Variants in NCR3LG1 observed in about 807,000 individuals in gnomAD.
NCR3LG1 encodes natural cytotoxicity triggering receptor 3 ligand 1.
In NCR3LG1, 35 loss-of-function variants were observed where a neutral mutation model predicts 34.8. The observed-to-expected ratio is 1.01, with a 90% CI of 0.77 to 1.33. The LOEUF is 1.33. Among genes scored for constraint, NCR3LG1 ranks in the 40% most tolerant of loss-of-function variants. The pLI is 0.00. For synonymous variants in NCR3LG1, 173 were observed against 163.6 expected, an observed-to-expected ratio of 1.06 and a Z score of -0.44; for missense variants, 452 against 423.3, an observed-to-expected ratio of 1.07 and a Z score of -0.60.
At chr11:17,355,590 C>T (rs939911335) in intron 1 of NCR3LG1, among the ~76,000 whole-genome samples, 2 of 152,062 alleles carry the variant, frequency 1.3e-5, no homozygotes, top group Non-Finnish European at 2.9e-5. Context: ...TTAGTCTTGC[C>T]AGGCTACCAT....
intron 2 of NCR3LG1, among the ~76,000 whole-genome samples, chr11:17,363,538 C>CCTTCCTTCCTT (rs1554898606): frequency 2.5e-4 from 14 of 56,608 alleles, no homozygotes; most frequent in African/African-American, 1.2e-3. Context: ...CTCCCTCCCT[C>CCTTCCTTCCTT]CCTCCCTTCC....
chr11:17,356,215 G>A (rs562910517), intron 1 of NCR3LG1, among the ~76,000 whole-genome samples: 55 of 143,698 alleles, frequency 3.8e-4, no homozygotes, highest in African/African-American at 1.4e-3. Flanking sequence ...TCAGCTCACT[G>A]CAACCCCTGC....
rs367641787 is a variant in NCR3LG1 at position 17,374,727 on chromosome 11, G to A, written c.*2215G>A. 6.6e-6 allele frequency: 1 copy of A among 152,214 alleles called. No individual in the cohort carries two copies. The highest frequency in any genetic ancestry group is 1.9e-4 in the East Asian group (1 of 5,176). The allele number at this position is 152,214 out of a possible 1,614,324, so 9.4% of individuals were successfully genotyped here. A position where few individuals can be genotyped will look rare whatever the true frequency, so the allele number is the denominator to read the frequency against. ...GGTTTTTGTAGGTTATAGATACCCA[G>A]GTATGATAAAATAGGTTGCCCTTTA... On this transcript the variant is annotated 3_prime_UTR_variant, in exon 5 of 5. Transcript: ENST00000338965.
chr11:17,378,118 G>A (rs1184804241), downstream of NCR3LG1, among the ~76,000 whole-genome samples: 2 of 152,234 alleles, frequency 1.3e-5, no homozygotes, highest in African/African-American at 2.4e-5. Context: ...AGCCATAGAA[G>A]CACAACAACA....
At chr11:17,353,112 T>C (rs867593315) in intron 1 of NCR3LG1, among the ~76,000 whole-genome samples, 5 of 152,154 alleles carry the variant, frequency 3.3e-5, no homozygotes, top group African/African-American at 7.2e-5. Context: ...CCTTGCTGCT[T>C]GCCGAGCAGC....
Position 17,351,987 on chromosome 11 carries a change from C to T in NCR3LG1, c.18C>T (p.Ala6=), listed in dbSNP as rs1477610112. The stretch of plus-strand genomic sequence containing the variant: ...CCGCGGCGATGACGTGGAGGGCTGC[C>T]GCCTCCACGTGCGCGGCGCTCCTGA... MTWRA[A]ASTCAALLIL... is the part of the protein sequence containing the mutation. Residue 6 remains alanine, a synonymous_variant, in exon 1 of 5, where the codon GCC becomes GCT. Coordinates refer to ENST00000338965, the MANE Select transcript of NCR3LG1 (RefSeq NM_001202439.3). 2 of 1,525,306 alleles carry T rather than the reference C, an allele frequency of 1.3e-6. No homozygotes were observed. 94.5% of individuals were successfully genotyped at this position (1,525,306 alleles called of 1,614,324 possible). A position where few individuals can be genotyped will look rare whatever the true frequency, so the allele number is the denominator to read the frequency against.
intron 2 of NCR3LG1, among the ~76,000 whole-genome samples, chr11:17,363,152 C>T (rs943297666): frequency 6.7e-6 from 1 of 150,354 alleles, no homozygotes; most frequent in African/African-American, 2.5e-5. Flanking sequence ...TGAACTCCCT[C>T]GGCTCAAGTG....
At chr11:17,380,699 A>G (rs1953509146), downstream of NCR3LG1, 1 of 152,118 alleles carries the variant, frequency 6.6e-6, no homozygotes, top group Non-Finnish European at 1.5e-5. Context: ...TGTATTGTCC[A>G]GGCTGGTCTC....
In NCR3LG1 at chr11:17,372,649, G is replaced by T. The variant is rs1178058825; in HGVS notation, c.*137G>T. The stretch of plus-strand genomic sequence containing the variant: ...AGGCTTTCCAAAACCTAACTCAGGT[G>T]TTTGACCTTACTTGGGGTGATGTTA... On this transcript the variant is annotated 3_prime_UTR_variant, in exon 5 of 5. Coordinates refer to ENST00000338965, the MANE Select transcript of NCR3LG1 (RefSeq NM_001202439.3). 1.7e-6 allele frequency: 1 copy of T among 588,074 alleles called. No homozygotes were observed. The highest frequency in any genetic ancestry group is 3.0e-6 in the Non-Finnish European group (1 of 330,774). 36.4% of individuals were successfully genotyped at this position (588,074 alleles called of 1,614,324 possible).
intron 2 of NCR3LG1, among the ~76,000 whole-genome samples, chr11:17,365,145 A>G (rs977239886): frequency 5.9e-5 from 9 of 152,186 alleles, no homozygotes; most frequent in African/African-American, 2.2e-4. Context: ...TAGTTGAAAG[A>G]GAGATATTAT....
At chr11:17,378,657 C>T (rs1207734177), downstream of NCR3LG1, among the ~76,000 whole-genome samples, 1 of 152,128 alleles carries the variant, frequency 6.6e-6, no homozygotes, top group African/African-American at 2.4e-5. Flanking sequence ...TCCCCAACAG[C>T]AGTTGGGGTC....
intron 2 of NCR3LG1, among the ~76,000 whole-genome samples, chr11:17,360,892 G>A (rs1322105507): frequency 3.3e-5 from 5 of 151,784 alleles, no homozygotes; most frequent in East Asian, 1.9e-4. Flanking sequence ...TCGCGCCACC[G>A]CTCCCAGCCA....
In NCR3LG1 at chr11:17,366,992, T is replaced by A. The variant is rs1265220998; in HGVS notation, c.422-17T>A. 1 of 1,502,146 alleles carries A rather than the reference T, an allele frequency of 6.7e-7. No homozygotes were observed. The highest frequency in any genetic ancestry group is 8.9e-7 in the Non-Finnish European group (1 of 1,126,032). The allele number at this position is 1,502,146 out of a possible 1,614,324, so 93.1% of individuals were successfully genotyped here. On this transcript the variant is annotated splice_polypyrimidine_tract_variant and intron_variant, in intron 2 of 4. Transcript: ENST00000338965. The stretch of plus-strand genomic sequence containing the variant: ...GGGTGCTGGGCCCAACTCTGTATGA[T>A]TTTTTTTCCCTGACAGCTTCCCCAG...
chr11:17,353,777 C>G (rs1953171556), intron 1 of NCR3LG1, among the ~76,000 whole-genome samples: 1 of 152,238 alleles, frequency 6.6e-6, no homozygotes, highest in Admixed American at 6.5e-5. Context: ...AGGAGCGCGG[C>G]GGCGGCTGCA....
intron 2 of NCR3LG1, among the ~76,000 whole-genome samples, chr11:17,360,034 T>G (rs1953253315): frequency 6.6e-6 from 1 of 152,076 alleles, no homozygotes; most frequent in Non-Finnish European, 1.5e-5. Flanking sequence ...GCCTCCCAAG[T>G]AGCTAGGACT....
intron 1 of NCR3LG1, among the ~76,000 whole-genome samples, chr11:17,352,715 A>G (rs1003829714): frequency 1.3e-5 from 2 of 152,074 alleles, no homozygotes; most frequent in Non-Finnish European, 2.9e-5. Flanking sequence ...TCCGCATATC[A>G]GTGGGTCCTC....
intron 2 of NCR3LG1, among the ~76,000 whole-genome samples, chr11:17,357,613 T>C (rs1397102113): frequency 2.6e-5 from 4 of 151,852 alleles, no homozygotes; most frequent in East Asian, 1.9e-4. Flanking sequence ...CCTCTGCAAC[T>C]GACAGAGGAA....
intron 1 of NCR3LG1, among the ~76,000 whole-genome samples, chr11:17,353,996 C>T (rs1329653155): frequency 6.6e-6 from 1 of 152,174 alleles, no homozygotes; most frequent in Admixed American, 6.5e-5. Context: ...AAAATCCAGT[C>T]ATACAAAGGA....
At chr11:17,370,253 A>C (rs1055248362) in intron 4 of NCR3LG1, among the ~76,000 whole-genome samples, 1 of 151,948 alleles carries the variant, frequency 6.6e-6, no homozygotes, top group Non-Finnish European at 1.5e-5. Flanking sequence ...TTAAACTTTC[A>C]CTTCAACTTC....
Sources: gnomAD v4.1 joint callset for allele counts (sites outside exome capture counted in the v4.1 genomes callset) on GRCh38, gnomAD v4.1.1 for gene constraint, MANE v1.5 for transcripts, NCBI Gene and HGNC (gene_info 2026-07-23, HGNC 2026-07-21) for gene names.